GRWD1: variants seen among roughly 807,000 people sequenced by gnomAD.
GRWD1 encodes glutamate rich WD repeat containing 1.
A neutral mutation model predicts 45.3 loss-of-function variants in GRWD1; 29 were observed. The ratio of observed to expected loss-of-function variants is 0.64; its 90% CI spans 0.48 to 0.87. The LOEUF (loss-of-function observed/expected upper bound fraction) is 0.87. Among genes scored for constraint, GRWD1 ranks in the 40% least tolerant of loss-of-function variants. The pLI is 0.00. For missense variants in GRWD1, 592 were observed against 618.8 expected (o/e 0.96, Z 0.46); for synonymous variants, 262 against 257.6 (o/e 1.02, Z -0.16).
chr19:48,450,130 C>A lies in GRWD1; in HGVS notation c.469-183C>A, dbSNP rs542177745. Reference sequence around the variant, plus strand: ...CCCTGTGGAGAGCTGTCCCAGTTACCATGCTGGTTTTTGCAGGTTGTGATT... The same window carrying A: ...CCCTGTGGAGAGCTGTCCCAGTTACAATGCTGGTTTTTGCAGGTTGTGATT... On this transcript the variant is annotated intron_variant, in intron 3 of 6. Transcript: ENST00000253237. This position sits in a 1 kb window ranked among gnomAD's most constrained non-coding sequence, Gnocchi z 5.1. 1.3e-5 allele frequency among the ~76,000 whole-genome samples: 2 copies of A among 152,114 alleles called. No individual in the cohort carries two copies. The highest frequency in any genetic ancestry group is 2.9e-5 in the Non-Finnish European group (2 of 67,998).
chr19:48,451,083 G>C lies in GRWD1; in HGVS notation c.875G>C (p.Arg292Pro). 4.3e-6 allele frequency: 7 copies of C among 1,614,020 alleles called. No homozygotes were observed. The highest frequency in any genetic ancestry group is 1.3e-5 in the African/African-American group (1 of 75,012). The change falls in exon 6 of 7, where the codon CGG becomes CCG. Residue 292 changes from arginine (R) to proline (P), a missense_variant. Transcript: ENST00000253237. ...ADASIRIWDI[R>P]AAPSKACMLT... is the part of the protein sequence containing the mutation. ...GCCTCCATCCGCATCTGGGACATCC[G>C]GGCAGCCCCCAGCAAGGCCTGCATG...
At position 48,450,799 on chromosome 19, in the gene GRWD1, T is replaced by G. The variant is rs940096881; in HGVS notation, c.816T>G (p.Thr272=). The change falls in exon 5 of 7, where the codon ACT becomes ACG. Residue 272 remains threonine (T), a synonymous_variant. Transcript: ENST00000253237. This position sits in a 1 kb window ranked among gnomAD's most constrained non-coding sequence, Gnocchi z 5.1. ...TGGAGGACCTGCAGTGGTCACCGAC[T>G]GAGAACACGGTGAGGGAGGGTGGGG... ...RSVEDLQWSP[T]ENTVFASCSA... is the part of the protein sequence containing the mutation. The G allele has an allele frequency of 6.2e-7, 1 of 1,613,522 alleles. No homozygotes were observed. Among genetic ancestry groups the G allele is most frequent in the Admixed American group, 1.7e-5 (1 of 59,940 alleles).
chr19:48,448,342 A>G (rs1313581873), intron 3 of GRWD1, among the ~76,000 whole-genome samples: 1 of 152,232 alleles, frequency 6.6e-6, no homozygotes, highest in Non-Finnish European at 1.5e-5. Context: ...CACTTAGAGC[A>G]GTACTTGGCT....
Position 48,452,972 on chromosome 19 carries a change from C to T in GRWD1, c.1288C>T (p.Leu430=). The T allele has an allele frequency of 1.2e-6, 2 of 1,608,780 alleles. No homozygotes were observed. Among genetic ancestry groups the T allele is most frequent in the East Asian group, 2.2e-5 (1 of 44,718 alleles). Residue 430 remains leucine, a synonymous_variant, in exon 7 of 7, where the codon CTG becomes TTG. Transcript: ENST00000253237. The surrounding 1 kb of genome is among the most constrained non-coding windows in gnomAD (Gnocchi z 5.1). ...CTGGCACCCGCAGTGCCCAGGGCTC[C>T]TGGTCAGCACGGCGCTGTCAGGCTT... ...LHWHPQCPGL[L]VSTALSGFTI... is the part of the protein sequence containing the mutation.
rs1163797355 is a variant in GRWD1 at position 48,455,622 on chromosome 19, C to T, written c.*2597C>T. The stretch of plus-strand genomic sequence containing the variant: ...GGGCCATGTTGGCCGCAGATGGCCC[C>T]CTGGTGAAGGTTCCCGTTGGCTTTG... On this transcript the variant is annotated 3_prime_UTR_variant, in exon 7 of 7. Transcript: ENST00000253237. 1 of 152,182 alleles carries T rather than the reference C, an allele frequency of 6.6e-6. No homozygotes were observed. Among genetic ancestry groups the T allele is most frequent in the Non-Finnish European group, 1.5e-5 (1 of 68,054 alleles). The allele number at this position is 152,182 out of a possible 1,614,324, so 9.4% of individuals were successfully genotyped here.
intron 3 of GRWD1, among the ~76,000 whole-genome samples, chr19:48,449,142 G>A (rs1368152773): frequency 1.1e-4 from 17 of 151,994 alleles, no homozygotes; most frequent in Admixed American, 2.0e-4. Context: ...CGCCCAGGCC[G>A]GAGCGCAATG....
chr19:48,452,368 G>C lies in GRWD1; in HGVS notation c.1024-340G>C, dbSNP rs1237798939. Reference sequence around the variant, plus strand: ...CCGCCTTGGCCTCCCAAGGTGCTGAGATTACAGTCGTGAGCCACCGCACCC... The same window carrying C: ...CCGCCTTGGCCTCCCAAGGTGCTGACATTACAGTCGTGAGCCACCGCACCC... On this transcript the variant is annotated intron_variant, in intron 6 of 6. Transcript: ENST00000253237. The surrounding 1 kb of genome is among the most constrained non-coding windows in gnomAD (Gnocchi z 5.1). Among the ~76,000 whole-genome samples the C allele has an allele frequency of 1.3e-5, 2 of 151,912 alleles. No homozygotes were observed. Among genetic ancestry groups the C allele is most frequent in the Non-Finnish European group, 2.9e-5 (2 of 67,972 alleles).
In GRWD1 at chr19:48,446,433, A is replaced by G. The variant is rs1448361154; in HGVS notation, c.236A>G (p.Asn79Ser). ...ATAGTCCGGGATCACCTGGGAGACA[A>G]CCGGACAGAGCTTCCTCTTACACTT... The part of the protein sequence containing the change: ...FDIVRDHLGD[N>S]RTELPLTLYL... Residue 79 changes from asparagine (N) to serine (S), a missense_variant, in exon 2 of 7, where the codon AAC (asparagine) becomes AGC (serine). Transcript: ENST00000253237. The G allele has an allele frequency of 1.2e-6, 2 of 1,614,176 alleles. No homozygotes were observed. The highest frequency in any genetic ancestry group is 1.7e-5 in the Admixed American group (1 of 60,020).
intron 3 of GRWD1, among the ~76,000 whole-genome samples, chr19:48,448,890 C>T (rs1450572327): frequency 3.9e-5 from 6 of 152,116 alleles, no homozygotes; most frequent in Non-Finnish European, 8.8e-5. Flanking sequence ...AATTGGGAGA[C>T]GTTGGAGGGT....
chr19:48,448,600 CAG>C (rs1217992420), intron 3 of GRWD1, among the ~76,000 whole-genome samples: 2 of 152,094 alleles, frequency 1.3e-5, no homozygotes, highest in African/African-American at 4.8e-5. Context: ...TATTTTTAAA[CAG>C]TGTGGTTAGG....
intron 1 of GRWD1, 85 bp downstream of exon 1, chr19:48,446,277 G>T (rs1340043060): frequency 6.4e-7 from 1 of 1,563,650 alleles, no homozygotes; most frequent in East Asian, 2.2e-5. Context: ...AGAAGGCTGG[G>T]GTCTAAGAGA....
chr19:48,451,262 G>C (rs776180569), intron 6 of GRWD1, 31 bp downstream of exon 6: 173 of 1,529,834 alleles, frequency 1.1e-4, no homozygotes, highest in Non-Finnish European at 1.5e-4. Flanking sequence ...CTGGGGGCTA[G>C]AGAAGCTTGC....
In GRWD1 at chr19:48,452,279, G is replaced by T. The variant is rs1221135028; in HGVS notation, c.1024-429G>T. Among the ~76,000 whole-genome samples, 1 of 151,848 alleles carries T rather than the reference G, an allele frequency of 6.6e-6. No individual in the cohort carries two copies. The highest frequency in any genetic ancestry group is 6.6e-5 in the Admixed American group (1 of 15,226). Reference sequence around the variant, plus strand: ...CAGCCCGGCTAATTTTGTATTTTTAGTAGAGATGGGGTTTCACCATGTTGT... The same window carrying T: ...CAGCCCGGCTAATTTTGTATTTTTATTAGAGATGGGGTTTCACCATGTTGT... On this transcript the variant is annotated intron_variant, in intron 6 of 6. Transcript: ENST00000253237. This position sits in a 1 kb window ranked among gnomAD's most constrained non-coding sequence, Gnocchi z 5.1.
In GRWD1 at chr19:48,450,511, T is replaced by C. The variant is rs1569078938; in HGVS notation, c.667T>C (p.Ser223Pro). The change falls in exon 4 of 7, where the codon TCC becomes CCC. Residue 223 changes from serine to proline, a missense_variant. Physicochemically the swap from Ser to Pro is moderately conservative, Grantham distance 74. Transcript: ENST00000253237. This position sits in a 1 kb window ranked among gnomAD's most constrained non-coding sequence, Gnocchi z 5.1. ...HMGEGFALDWSPRVTGRLLTG... is the reference protein window; with the variant it reads ...HMGEGFALDWPPRVTGRLLTG... ...GGGCGAGGGCTTTGCCCTTGACTGG[T>C]CCCCCCGGGTGACCGGTGAGTCCCT... 24 of 1,613,864 alleles carry C rather than the reference T, an allele frequency of 1.5e-5. No individual in the cohort carries two copies. The highest frequency in any genetic ancestry group is 1.9e-5 in the Non-Finnish European group (23 of 1,179,990).
intron 6 of GRWD1, among the ~76,000 whole-genome samples, chr19:48,451,524 A>G (rs1041326516): frequency 1.3e-5 from 2 of 152,160 alleles, no homozygotes; most frequent in Non-Finnish European, 2.9e-5. Flanking sequence ...GCAGAAGTAC[A>G]GGTGTCTGTA....
chr19:48,447,754 G>A (rs142803877), intron 3 of GRWD1, among the ~76,000 whole-genome samples: 1,964 of 152,302 alleles, frequency 0.013, 22 homozygotes, highest in South Asian at 0.025. Flanking sequence ...GTCATTACAT[G>A]TTAGGTACTG....
At chr19:48,446,311 T>A in intron 1 of GRWD1, 74 bp from the exon 2 acceptor site, 11 of 1,561,922 alleles carry the variant, frequency 7.0e-6, no homozygotes, top group Non-Finnish European at 9.7e-6. Context: ...CGGAGGCGGT[T>A]GATCCATGAG....
At position 48,452,637 on chromosome 19, in the gene GRWD1, C is replaced by A; in HGVS notation, c.1024-71C>A. 1 of 1,320,550 alleles carries A rather than the reference C, an allele frequency of 7.6e-7. No individual in the cohort carries two copies. The highest frequency in any genetic ancestry group is 1.0e-6 in the Non-Finnish European group (1 of 953,812). The allele number at this position is 1,320,550 out of a possible 1,614,324, so 81.8% of individuals were successfully genotyped here. On this transcript the variant is annotated intron_variant, in intron 6 of 6. Coordinates refer to ENST00000253237, the MANE Select transcript of GRWD1 (RefSeq NM_031485.4). This position sits in a 1 kb window ranked among gnomAD's most constrained non-coding sequence, Gnocchi z 5.1. ...CCCTGAGGCTGGAGAAGGGTTGGGG[C>A]TTCTGCCTGGGTCCTCCCCAGAGTC... is the stretch of plus-strand genomic sequence containing the variant.
rs1226668033 is a variant in GRWD1, at chr19:48,450,378, T to A, written c.534T>A (p.Phe178Leu). The part of the protein sequence containing the change: ...VWSEKGQVEV[F>L]ALRRLLQVVE... Reference sequence around the variant, plus strand: ...CAGAGAAGGGCCAGGTGGAGGTGTTTGCGCTGCGGCGGCTTCTGCAGGTGG... The same window carrying A: ...CAGAGAAGGGCCAGGTGGAGGTGTTAGCGCTGCGGCGGCTTCTGCAGGTGG... Residue 178 changes from phenylalanine (F) to leucine (L), a missense_variant, in exon 4 of 7, where the codon TTT becomes TTA. Coordinates refer to ENST00000253237, the MANE Select transcript of GRWD1 (RefSeq NM_031485.4). The surrounding 1 kb of genome is among the most constrained non-coding windows in gnomAD (Gnocchi z 5.1). 6.2e-7 allele frequency: 1 copy of A among 1,613,674 alleles called. No homozygotes were observed. The highest frequency in any genetic ancestry group is 1.1e-5 in the South Asian group (1 of 91,076).
Sources: allele counts gnomAD v4.1 joint callset (sites outside exome capture counted in the v4.1 genomes callset), GRCh38; gene constraint gnomAD v4.1.1; non-coding constraint Gnocchi (gnomAD v3.1); transcripts MANE v1.5; gene names NCBI Gene and HGNC (gene_info 2026-07-23, HGNC 2026-07-21).